Variants in ETFA observed in about 807,000 individuals in gnomAD.
The protein encoded by ETFA is electron transfer flavoprotein subunit alpha, mitochondrial.
In ETFA, 22 loss-of-function variants were observed where a neutral mutation model predicts 46.2. That is an observed-to-expected ratio of 0.48 (90% confidence interval 0.34 to 0.68). ETFA has a LOEUF of 0.68. Among genes scored for constraint, ETFA ranks in the 30% least tolerant of loss-of-function variants. ETFA has a pLI of 0.01. For missense variants in ETFA, 345 were observed against 401.1 expected (o/e 0.86, Z 1.19); for synonymous variants, 131 against 139.9 (o/e 0.94, Z 0.45).
At chr15:76,272,903 C>T (rs1328056019) in intron 9 of ETFA, among the ~76,000 whole-genome samples, 1 of 151,586 alleles carries the variant, frequency 6.6e-6, no homozygotes, top group African/African-American at 2.4e-5. Flanking sequence ...TCCACTCTCA[C>T]AGCCTAATTC....
At chr15:76,264,566 G>A (rs1023796445) in intron 9 of ETFA, among the ~76,000 whole-genome samples, 5 of 152,280 alleles carry the variant, frequency 3.3e-5, no homozygotes, top group African/African-American at 1.2e-4. Flanking sequence ...AAGAGGCTGT[G>A]GCTGTATATA....
chr15:76,257,068 C>T (rs1449947293), intron 9 of ETFA, among the ~76,000 whole-genome samples: 3 of 142,360 alleles, frequency 2.1e-5, no homozygotes, highest in East Asian at 1.9e-4. Context: ...TATTAACGAA[C>T]GTGACTTTCT....
chr15:76,255,418 AT>A (rs2039337791), intron 9 of ETFA, among the ~76,000 whole-genome samples: 1 of 152,242 alleles, frequency 6.6e-6, no homozygotes, highest in Admixed American at 6.5e-5. Flanking sequence ...AAGTTATCAT[AT>A]TTCATTGGTT....
intron 9 of ETFA, among the ~76,000 whole-genome samples, chr15:76,266,930 A>G (rs1292937386): frequency 6.6e-6 from 1 of 152,170 alleles, no homozygotes; most frequent in African/African-American, 2.4e-5. Flanking sequence ...AAATTTGAAG[A>G]GATAATTTAA....
intron 4 of ETFA, among the ~76,000 whole-genome samples, chr15:76,289,485 T>C (rs1020111195): frequency 2.0e-5 from 3 of 152,216 alleles, no homozygotes; most frequent in Admixed American, 2.0e-4. Flanking sequence ...GTTTAACATA[T>C]CTTCAAGAAA....
At chr15:76,291,730 G>C (rs897605879) in intron 4 of ETFA, among the ~76,000 whole-genome samples, 2 of 151,880 alleles carry the variant, frequency 1.3e-5, no homozygotes, top group Non-Finnish European at 2.9e-5. Flanking sequence ...CAACCTGGGC[G>C]ACAGTGAGAC....
intron 9 of ETFA, among the ~76,000 whole-genome samples, chr15:76,272,813 CAT>C (rs71143306): frequency 3.2e-4 from 44 of 137,498 alleles, no homozygotes; most frequent in Admixed American, 5.0e-4. Context: ...AAAATATATA[CAT>C]ATATATATAT....
intron 7 of ETFA, chr15:76,284,221 A>T: frequency 5.7e-6 from 1 of 176,528 alleles, no homozygotes; most frequent in Non-Finnish European, 1.2e-5. Flanking sequence ...AGGACTTTAA[A>T]CTCCTCGAGA....
At chr15:76,308,004 C>T (rs766000089) in intron 1 of ETFA, among the ~76,000 whole-genome samples, 8 of 151,840 alleles carry the variant, frequency 5.3e-5, no homozygotes, top group Non-Finnish European at 1.0e-4. Context: ...ATATCACAAA[C>T]ATATATATGT....
chr15:76,260,267 G>T, intron 9 of ETFA: 1 of 1,175,384 alleles, frequency 8.5e-7, no homozygotes, highest in Non-Finnish European at 1.3e-6. Context: ...TGAAGGACCG[G>T]GCTGCCCAGA....
Position 76,296,002 on chromosome 15 carries a change from CGCGT to C in ETFA, c.40-269_40-266del, listed in dbSNP as rs199862952. Among the ~76,000 whole-genome samples, 39,970 of 127,264 alleles carry C rather than the reference CGCGT, an allele frequency of 0.31. 6,290 individuals carry two copies. The highest frequency in any genetic ancestry group is 0.61 in the East Asian group (2,762 of 4,524). 83.5% of individuals were successfully genotyped at this position (127,264 alleles called of 152,430 possible). On this transcript the variant is annotated intron_variant, in intron 1 of 11. Transcript: ENST00000557943. ...TGTCGCCCAGGCTGGAGTGCAGTGG[CGCGT>C]GCGACCATGGCTCACTGCAAGCTCC... is the stretch of plus-strand genomic sequence containing the variant.
intron 9 of ETFA, among the ~76,000 whole-genome samples, chr15:76,253,945 G>A (rs1177823065): frequency 1.3e-5 from 2 of 152,326 alleles, no homozygotes; most frequent in East Asian, 3.9e-4. Context: ...CTCCTGCTGA[G>A]AACAACTACA....
intron 9 of ETFA, 73 bp downstream of exon 9, chr15:76,274,339 T>C (rs1347909828): frequency 1.8e-6 from 2 of 1,141,548 alleles, no homozygotes; most frequent in African/African-American, 1.5e-5. Flanking sequence ...ATCACTGAGA[T>C]CACTGTTCAA....
chr15:76,258,621 G>A (rs979175137), intron 9 of ETFA, among the ~76,000 whole-genome samples: 7 of 152,220 alleles, frequency 4.6e-5, no homozygotes, highest in Non-Finnish European at 7.3e-5. Context: ...TAAGCAGCAG[G>A]AGCAGCTCAG....
chr15:76,274,497 A>G lies in ETFA; in HGVS notation c.734-3T>C. 1 of 1,608,368 alleles carries G rather than the reference A, an allele frequency of 6.2e-7. No homozygotes were observed. The highest frequency in any genetic ancestry group is 8.5e-7 in the Non-Finnish European group (1 of 1,176,394). ...AACAGCAGCACGGGAAGCACCAACT[A>G]AGGGGAAAAAATATTTGTCATTTTT... is the stretch of plus-strand genomic sequence containing the variant. On this transcript the variant is annotated splice_polypyrimidine_tract_variant and splice_region_variant and intron_variant, in intron 8 of 11. Coordinates refer to ENST00000557943, the MANE Select transcript of ETFA (RefSeq NM_000126.4).
chr15:76,295,470 C>T lies in ETFA; in HGVS notation c.186+121G>A. ...ACATGGTAATGGTTGTGACACTGAC[C>T]ATTTAATGAGGATTAGAGCCCAGTT... On this transcript the variant is annotated intron_variant, in intron 2 of 11. Transcript: ENST00000557943. The T allele has an allele frequency of 4.8e-6, 4 of 837,456 alleles. No individual in the cohort carries two copies. The South Asian group carries it at 5.4e-5, about 11-fold the overall frequency. The allele number at this position is 837,456 out of a possible 1,614,324, so 51.9% of individuals were successfully genotyped here. A position where few individuals can be genotyped will look rare whatever the true frequency, so the allele number is the denominator to read the frequency against.
intron 9 of ETFA, chr15:76,261,009 A>G: frequency 6.2e-7 from 1 of 1,609,844 alleles, no homozygotes; most frequent in Non-Finnish European, 8.5e-7. Flanking sequence ...AAGCTTTGTC[A>G]CGGTGATGTT....
intron 4 of ETFA, among the ~76,000 whole-genome samples, chr15:76,292,115 C>G (rs1465003343): frequency 6.6e-6 from 1 of 152,110 alleles, no homozygotes; most frequent in Non-Finnish European, 1.5e-5. Context: ...AAATGGGCTA[C>G]TAATAGAAAT....
At chr15:76,275,545 T>C (rs1280372006) in intron 8 of ETFA, among the ~76,000 whole-genome samples, 2 of 152,206 alleles carry the variant, frequency 1.3e-5, no homozygotes, top group African/African-American at 4.8e-5. Flanking sequence ...TACTTTTTCA[T>C]CCACTATGAC....
Sources: gnomAD v4.1 joint callset for allele counts (sites outside exome capture counted in the v4.1 genomes callset) on GRCh38, gnomAD v4.1.1 for gene constraint, MANE v1.5 for transcripts, NCBI Gene and HGNC (gene_info 2026-07-23, HGNC 2026-07-21) for gene names.